Variants in MAN2C1 observed in about 807,000 individuals in gnomAD.
The protein encoded by MAN2C1 is alpha-mannosidase 2C1.
Under a neutral mutation model 126.9 loss-of-function variants are expected in MAN2C1, and 111 were observed. The observed-to-expected ratio is 0.87, with a 90% CI of 0.75 to 1.02. MAN2C1 has a LOEUF of 1.02. Ranked by LOEUF, MAN2C1 falls within the 50% of genes least tolerant of loss-of-function variation. The probability of loss-of-function intolerance (pLI) is 0.00; values close to 1 mark genes in which losing one functional copy is unlikely to be tolerated. For missense variants in MAN2C1, 1,363 were observed against 1,364.4 expected, an observed-to-expected ratio of 1.00 and a Z score of 0.02; for synonymous variants, 567 against 561.5, an observed-to-expected ratio of 1.01 and a Z score of -0.14.
At position 75,361,505 on chromosome 15, in the gene MAN2C1, T is replaced by C. The variant is rs778812429; in HGVS notation, c.1218+99A>G. On this transcript the variant is annotated intron_variant, in intron 10 of 25. Transcript: ENST00000267978. This position sits in a 1 kb window ranked among gnomAD's most constrained non-coding sequence, Gnocchi z 5.0. ...ACCCTGGCAGAGGCAGAGTGAGGGTTTGGTGGTCTGTCTAGGACCCCACAA... is the reference window on the plus strand; with the variant it reads ...ACCCTGGCAGAGGCAGAGTGAGGGTCTGGTGGTCTGTCTAGGACCCCACAA... The C allele has an allele frequency of 7.9e-7, 1 of 1,270,408 alleles. No homozygotes were observed. Among genetic ancestry groups the C allele is most frequent in the Non-Finnish European group, 1.1e-6 (1 of 870,338 alleles). 78.7% of individuals were successfully genotyped at this position (1,270,408 alleles called of 1,614,324 possible). A position where few individuals can be genotyped will look rare whatever the true frequency, so the allele number is the denominator to read the frequency against.
chr15:75,363,786 A>C, intron 6 of MAN2C1: 1 of 562,610 alleles, frequency 1.8e-6, no homozygotes, highest in Non-Finnish European at 3.1e-6. Context: ...ACCCTGGGTG[A>C]CAAGAGTGAG....
rs1437864301 is a variant in MAN2C1 at position 75,360,386 on chromosome 15, C to T, written c.1585-175G>A. On this transcript the variant is annotated intron_variant, in intron 13 of 25. Coordinates refer to ENST00000267978, the MANE Select transcript of MAN2C1 (RefSeq NM_006715.4). ...TCTTCTCCCCGCAGCCCAAACCCTT[C>T]TTTCTTCAGGGGTTTCTGCCTCCTT... 4 of 1,292,304 alleles carry T rather than the reference C, an allele frequency of 3.1e-6. No individual in the cohort carries two copies. The East Asian group carries it at 7.4e-5, about 24-fold the overall frequency. The allele number at this position is 1,292,304 out of a possible 1,614,324, so 80.1% of individuals were successfully genotyped here.
intron 6 of MAN2C1, chr15:75,363,403 T>G (rs1420076774): frequency 4.6e-6 from 2 of 432,396 alleles, no homozygotes; most frequent in East Asian, 1.4e-4. Flanking sequence ...TGCTCTCCAG[T>G]GCCTCAGACT....
In MAN2C1 at chr15:75,360,476, G is replaced by A. The variant is rs545067999; in HGVS notation, c.1584+89C>T. On this transcript the variant is annotated intron_variant, in intron 13 of 25. Coordinates refer to ENST00000267978, the MANE Select transcript of MAN2C1 (RefSeq NM_006715.4). The stretch of plus-strand genomic sequence containing the variant: ...TCCAAACTTCTCTTCCCCTAGATCT[G>A]GCCTGGGCTCTGTCCCCTGCTGCCT... The A allele has an allele frequency of 1.6e-5, 25 of 1,547,890 alleles. No homozygotes were observed. The African/African-American group carries it at 3.0e-4, about 19-fold the overall frequency.
At position 75,361,831 on chromosome 15, in the gene MAN2C1, C is replaced by G. The variant is rs1245212392; in HGVS notation, c.1101+24G>C. Reference sequence around the variant, plus strand: ...AGCGCCAGCCCCACTCGCCCACAGCCTGGTGTAGCAGCTCTCAGCCTACCT... The same window carrying G: ...AGCGCCAGCCCCACTCGCCCACAGCGTGGTGTAGCAGCTCTCAGCCTACCT... On this transcript the variant is annotated intron_variant, in intron 9 of 25. Transcript: ENST00000267978. The surrounding 1 kb of genome is among the most constrained non-coding windows in gnomAD (Gnocchi z 5.0). The G allele has an allele frequency of 1.2e-6, 2 of 1,611,482 alleles. No individual in the cohort carries two copies.
chr15:75,358,686 A>ATGCTGCCCAGCCCATACCACT lies in MAN2C1; in HGVS notation c.2246+17_2246+18insAGTGGTATGGGCTGGGCAGCA, dbSNP rs1388705887. ...TTCCCACCACCTCCACCATCCCCAC[A>ATGCTGCCCAGCCCATACCACT]TGCTGCCCAGCCTATACCGTGTCTC... On this transcript the variant is annotated intron_variant, in intron 19 of 25. Transcript: ENST00000267978. The ATGCTGCCCAGCCCATACCACT allele has an allele frequency of 6.2e-7, 1 of 1,613,626 alleles. No homozygotes were observed. The highest frequency in any genetic ancestry group is 1.6e-4 in the Middle Eastern group (1 of 6,062).
rs753897562 is a variant in MAN2C1 at position 75,355,915 on chromosome 15, C to T, written c.3114G>A (p.Pro1038=). ...VLSLLLVLQP[P]PH is the part of the protein sequence containing the mutation. ...CCCCAGCCCCAGGGACTCAGTGTGG[C>T]GGAGGCTGAAGCACGAGCAACAGGG... is the stretch of plus-strand genomic sequence containing the variant. Residue 1038 remains proline (P), a synonymous_variant, in exon 26 of 26, where the codon CCG becomes CCA. Transcript: ENST00000267978. 37 of 1,614,066 alleles carry T rather than the reference C, an allele frequency of 2.3e-5. No individual in the cohort carries two copies. The highest frequency in any genetic ancestry group is 2.7e-5 in the African/African-American group (2 of 74,930).
intron 4 of MAN2C1, chr15:75,365,519 G>GT (rs1383525251): frequency 6.3e-6 from 1 of 159,806 alleles, no homozygotes; most frequent in African/African-American, 2.4e-5. Flanking sequence ...GAGGTCAGCA[G>GT]TTTGAGACCA....
In MAN2C1 at chr15:75,368,031, C is replaced by T. The variant is rs996374498; in HGVS notation, c.227+42G>A. The stretch of plus-strand genomic sequence containing the variant: ...TGGCTGGGAGCTGGGTTGGGACTTC[C>T]CCTAGGCCTGTGGCCCCGCCCACCC... On this transcript the variant is annotated intron_variant, in intron 2 of 25. Transcript: ENST00000267978. The T allele has an allele frequency of 2.5e-6, 4 of 1,575,822 alleles. No individual in the cohort carries two copies. The East Asian group carries it at 9.3e-5, about 36-fold the overall frequency.
rs769362841 is a variant in MAN2C1, at chr15:75,361,021, A to T, written c.1460+25T>A. 2.5e-6 allele frequency: 4 copies of T among 1,598,102 alleles called. No individual in the cohort carries two copies. In the East Asian group the frequency reaches 9.0e-5, roughly 36 times the overall value. On this transcript the variant is annotated intron_variant, in intron 12 of 25. Coordinates refer to ENST00000267978, the MANE Select transcript of MAN2C1 (RefSeq NM_006715.4). This position sits in a 1 kb window ranked among gnomAD's most constrained non-coding sequence, Gnocchi z 5.0. Reference sequence around the variant, plus strand: ...ATGGCAAGGGCCCAGGGTGGGGCTAAAGGAGAGCCAAGGCCTGGCCTGACC... The same window carrying T: ...ATGGCAAGGGCCCAGGGTGGGGCTATAGGAGAGCCAAGGCCTGGCCTGACC...
Position 75,359,159 on chromosome 15 carries a change from T to C in MAN2C1, c.2047-6A>G. 6.2e-7 allele frequency: 1 copy of C among 1,613,838 alleles called. No homozygotes were observed. The highest frequency in any genetic ancestry group is 8.5e-7 in the Non-Finnish European group (1 of 1,180,024). On this transcript the variant is annotated splice_polypyrimidine_tract_variant and splice_region_variant and intron_variant, in intron 17 of 25. Coordinates refer to ENST00000267978, the MANE Select transcript of MAN2C1 (RefSeq NM_006715.4). ...AGAGTCACGGAGCCATCAGTCTTTGTGGGAGGAGGCCTTGAGGCTGAGTCT... is the reference window on the plus strand; with the variant it reads ...AGAGTCACGGAGCCATCAGTCTTTGCGGGAGGAGGCCTTGAGGCTGAGTCT...
Position 75,367,643 on chromosome 15 carries a change from G to A in MAN2C1, c.228-9C>T, listed in dbSNP as rs778503783. The A allele has an allele frequency of 1.2e-6, 2 of 1,614,126 alleles. No homozygotes were observed. Among genetic ancestry groups the A allele is most frequent in the Non-Finnish European group, 1.7e-6 (2 of 1,179,976 alleles). ...ACCAGCAGGTCCACCATCTGCAAGA[G>A]AGCTGTTGTGATAGGCCTAGAGGTA... On this transcript the variant is annotated splice_polypyrimidine_tract_variant and intron_variant, in intron 2 of 25. Transcript: ENST00000267978.
At chr15:75,367,170 A>G (rs948542349) in intron 3 of MAN2C1, among the ~76,000 whole-genome samples, 1 of 152,044 alleles carries the variant, frequency 6.6e-6, no homozygotes, top group Non-Finnish European at 1.5e-5. Flanking sequence ...ATAAAGACCT[A>G]CTAGATAGGA....
Position 75,368,467 on chromosome 15 carries a change from G to C in MAN2C1, c.101+16C>G. Reference sequence around the variant, plus strand: ...ACGGTTGCGGTCGGCCGGCTGCGGGGGACCAGGGGCCACACCTGCCGCGGA... The same window carrying C: ...ACGGTTGCGGTCGGCCGGCTGCGGGCGACCAGGGGCCACACCTGCCGCGGA... On this transcript the variant is annotated intron_variant, in intron 1 of 25. Transcript: ENST00000267978. 1 of 1,544,920 alleles carries C rather than the reference G, an allele frequency of 6.5e-7. No homozygotes were observed. The highest frequency in any genetic ancestry group is 8.7e-7 in the Non-Finnish European group (1 of 1,142,870).
intron 2 of MAN2C1, 53 bp from the exon 3 acceptor site, chr15:75,367,687 C>T: frequency 6.2e-7 from 1 of 1,604,838 alleles, no homozygotes. Context: ...ATCCTGATAT[C>T]CTTCCTTGGA....
chr15:75,362,693 G>T lies in MAN2C1; in HGVS notation c.846C>A (p.Thr282=), dbSNP rs764314594. 3 of 1,613,992 alleles carry T rather than the reference G, an allele frequency of 1.9e-6. No homozygotes were observed. The African/African-American group carries it at 4.0e-5, about 22-fold the overall frequency. The part of the protein sequence containing the change: ...TVRKCARSWV[T]ALQLMERNPE... The stretch of plus-strand genomic sequence containing the variant: ...GGTTCCGCTCCATGAGCTGCAGGGC[G>T]GTCACCCAGCTCCGGGCACATTTCC... Residue 282 remains threonine, a synonymous_variant, in exon 7 of 26, where the codon ACC becomes ACA. Coordinates refer to ENST00000267978, the MANE Select transcript of MAN2C1 (RefSeq NM_006715.4). The surrounding 1 kb of genome is among the most constrained non-coding windows in gnomAD (Gnocchi z 4.5).
Position 75,359,396 on chromosome 15 carries a change from C to T in MAN2C1, c.1978G>A (p.Ala660Thr). Residue 660 changes from alanine (A) to threonine (T), a missense_variant, in exon 17 of 26, where the codon GCT becomes ACT. Around this residue, in one of 3 missense-constraint regions of MAN2C1, gnomAD observed 668 missense variants for 650.1 expected, o/e 1.03. Coordinates refer to ENST00000267978, the MANE Select transcript of MAN2C1 (RefSeq NM_006715.4). ...ALVTVPSMGYAPVPPPTSLQP... is the reference protein window; with the variant it reads ...ALVTVPSMGYTPVPPPTSLQP... ...AGTGAGGTGGGGGGAGGAACAGGAG[C>T]ATAGCCCATGCTGGGCACTGTCACC... is the stretch of plus-strand genomic sequence containing the variant. 6.2e-7 allele frequency: 1 copy of T among 1,610,212 alleles called. No individual in the cohort carries two copies. The highest frequency in any genetic ancestry group is 8.5e-7 in the Non-Finnish European group (1 of 1,178,972).
In MAN2C1 at chr15:75,361,679, G is replaced by A; in HGVS notation, c.1143C>T (p.Pro381=). 3 of 1,614,004 alleles carry A rather than the reference G, an allele frequency of 1.9e-6. No homozygotes were observed. Among genetic ancestry groups the A allele is most frequent in the African/African-American group, 1.3e-5 (1 of 75,030 alleles). Reference sequence around the variant, plus strand: ...TGATGCCACAGCCGTGCATGATCTGGGGGAGCTGTGCTGAGTAGCCAAAGG... The same window carrying A: ...TGATGCCACAGCCGTGCATGATCTGAGGGAGCTGTGCTGAGTAGCCAAAGG... ...PDTFGYSAQL[P]QIMHGCGIRR... Residue 381 remains proline, a synonymous_variant, in exon 10 of 26, where the codon CCC becomes CCT. Coordinates refer to ENST00000267978, the MANE Select transcript of MAN2C1 (RefSeq NM_006715.4). The surrounding 1 kb of genome is among the most constrained non-coding windows in gnomAD (Gnocchi z 5.0).
At chr15:75,368,322 G>C in intron 1 of MAN2C1, 124 bp from the exon 2 acceptor site, 1 of 1,456,372 alleles carries the variant, frequency 6.9e-7, no homozygotes, top group Non-Finnish European at 9.2e-7. Flanking sequence ...GCCGCTCCGC[G>C]GCACAGTCCA....
Sources: allele counts gnomAD v4.1 joint callset (sites outside exome capture counted in the v4.1 genomes callset), GRCh38; gene constraint gnomAD v4.1.1; regional missense constraint gnomAD v4.1.1; non-coding constraint Gnocchi (gnomAD v3.1); transcripts MANE v1.5; gene names NCBI Gene and HGNC (gene_info 2026-07-23, HGNC 2026-07-21).